DIAPH3: variants seen among roughly 807,000 people sequenced by gnomAD.
DIAPH3 encodes protein diaphanous homolog 3.
A neutral mutation model predicts 144.3 loss-of-function variants in DIAPH3; 117 were observed. The ratio of observed to expected loss-of-function variants is 0.81; its 90% confidence interval spans 0.70 to 0.95. DIAPH3 has a LOEUF of 0.95. DIAPH3 is among the 40% of genes least tolerant of loss of function. The probability of loss-of-function intolerance (pLI) is 0.00; values close to 1 mark genes in which losing one functional copy is unlikely to be tolerated. For synonymous variants in DIAPH3, 519 were observed against 488.9 expected (o/e 1.06, Z -0.81); for missense variants, 1,421 against 1,412.7 (o/e 1.01, Z -0.09).
chr13:59,736,145 T>C (rs981720413), intron 27 of DIAPH3, among the ~76,000 whole-genome samples: 7 of 152,210 alleles, frequency 4.6e-5, no homozygotes, highest in Non-Finnish European at 8.8e-5. Context: ...GGCTATATAG[T>C]ATTTCATGGT....
chr13:59,758,881 G>A (rs2037422885), intron 27 of DIAPH3, among the ~76,000 whole-genome samples: 1 of 151,066 alleles, frequency 6.6e-6, no homozygotes, highest in African/African-American at 2.4e-5. Flanking sequence ...TTGGGCTTGA[G>A]TGATCTTCCT....
intron 19 of DIAPH3, among the ~76,000 whole-genome samples, chr13:59,914,612 T>C (rs1221018171): frequency 6.6e-6 from 1 of 152,086 alleles, no homozygotes; most frequent in African/African-American, 2.4e-5. Context: ...AAAGTTCTTA[T>C]AAGTGGAAGA....
intron 3 of DIAPH3, among the ~76,000 whole-genome samples, chr13:60,111,540 A>C (rs1280918663): frequency 6.6e-6 from 1 of 152,222 alleles, no homozygotes; most frequent in Non-Finnish European, 1.5e-5. Context: ...TCAGATCAGC[A>C]GTGGCATTAC....
chr13:60,045,415 T>G (rs2056005028), intron 4 of DIAPH3, among the ~76,000 whole-genome samples: 1 of 152,158 alleles, frequency 6.6e-6, no homozygotes, highest in Non-Finnish European at 1.5e-5. Context: ...GAGAAAAAAC[T>G]AATACAATAC....
At chr13:59,997,448 T>C (rs1442860219) in intron 9 of DIAPH3, among the ~76,000 whole-genome samples, 2 of 152,134 alleles carry the variant, frequency 1.3e-5, no homozygotes, top group Admixed American at 1.3e-4. Context: ...ATTCATCCAC[T>C]GATAAACACT....
chr13:60,070,044 C>T (rs1232378933), intron 4 of DIAPH3, among the ~76,000 whole-genome samples: 1 of 152,080 alleles, frequency 6.6e-6, no homozygotes. Flanking sequence ...ATAGGAATAG[C>T]ACTGAATCTT....
At chr13:59,690,079 A>C (rs186970880) in intron 27 of DIAPH3, among the ~76,000 whole-genome samples, 6 of 152,182 alleles carry the variant, frequency 3.9e-5, no homozygotes, top group African/African-American at 1.4e-4. Flanking sequence ...GGATAACATG[A>C]TGGTTACCTA....
chr13:59,913,511 C>T (rs2047091285), intron 19 of DIAPH3, among the ~76,000 whole-genome samples: 2 of 152,124 alleles, frequency 1.3e-5, no homozygotes, highest in Non-Finnish European at 2.9e-5. Context: ...CCCTTGCCTC[C>T]ACACATACAC....
At chr13:60,061,934 T>C (rs2141297824) in intron 4 of DIAPH3, among the ~76,000 whole-genome samples, 2 of 152,230 alleles carry the variant, frequency 1.3e-5, no homozygotes, top group South Asian at 4.2e-4. Context: ...ACATCTTTAC[T>C]GCCTACAGCC....
intron 21 of DIAPH3, among the ~76,000 whole-genome samples, chr13:59,871,152 T>C (rs1204197738): frequency 6.9e-6 from 1 of 145,404 alleles, no homozygotes; most frequent in Non-Finnish European, 1.5e-5. Flanking sequence ...TTTGATATAA[T>C]TGCTTAACAG....
At chr13:60,062,114 C>T (rs1469258261) in intron 4 of DIAPH3, among the ~76,000 whole-genome samples, 2 of 152,126 alleles carry the variant, frequency 1.3e-5, no homozygotes, top group African/African-American at 4.8e-5. Flanking sequence ...CATATTTAGA[C>T]ATTTTATGAC....
intron 4 of DIAPH3, among the ~76,000 whole-genome samples, chr13:60,084,011 T>TAGAC (rs1326288957): frequency 5.3e-5 from 4 of 76,050 alleles, no homozygotes; most frequent in Non-Finnish European, 8.4e-5. Context: ...GATAGACAGA[T>TAGAC]AGATAGATAG....
intron 20 of DIAPH3, among the ~76,000 whole-genome samples, chr13:59,895,266 C>T (rs1221473693): frequency 2.6e-5 from 4 of 151,798 alleles, no homozygotes; most frequent in Admixed American, 1.3e-4. Context: ...GCTAGTGTTT[C>T]ACTAAACGGG....
At chr13:59,680,302 A>C (rs1331378558) in intron 27 of DIAPH3, among the ~76,000 whole-genome samples, 2 of 152,012 alleles carry the variant, frequency 1.3e-5, no homozygotes, top group African/African-American at 4.8e-5. Flanking sequence ...GTTGTTGAAT[A>C]TCAGTGTTGA....
At chr13:60,003,577 A>G (rs1272316733) in intron 9 of DIAPH3, among the ~76,000 whole-genome samples, 4 of 150,700 alleles carry the variant, frequency 2.7e-5, no homozygotes, top group African/African-American at 9.7e-5. Flanking sequence ...ATATAGATAT[A>G]TATATATTTT....
intron 23 of DIAPH3, chr13:59,839,016 CAGG>C: frequency 3.5e-6 from 1 of 286,610 alleles, no homozygotes; most frequent in Non-Finnish European, 6.9e-6. Flanking sequence ...GAGACTGAGG[CAGG>C]AGAATTGCTT....
At chr13:59,859,061 T>C (rs1225685893) in intron 22 of DIAPH3, among the ~76,000 whole-genome samples, 3 of 152,154 alleles carry the variant, frequency 2.0e-5, no homozygotes, top group African/African-American at 7.2e-5. Flanking sequence ...TATAAGAGCA[T>C]TAAAATACTC....
rs76380828 is a variant in DIAPH3 at position 59,813,017 on chromosome 13, C to T, written c.3028-2094G>A. On this transcript the variant is annotated intron_variant, in intron 24 of 27. Coordinates refer to ENST00000400324, the MANE Select transcript of DIAPH3 (RefSeq NM_001042517.2). ...CTGGAGCAAAGGCTGGACAGTCTTA[C>T]TACCTATTATAAAAGACTGCATTCC... 1.2e-3 allele frequency among the ~76,000 whole-genome samples: 179 copies of T among 152,130 alleles called. 2 individuals carry two copies. The highest frequency in any genetic ancestry group is 2.0e-3 in the Non-Finnish European group (135 of 68,004).
chr13:59,918,223 A>AG (rs1341985752), intron 18 of DIAPH3, among the ~76,000 whole-genome samples: 47 of 150,714 alleles, frequency 3.1e-4, no homozygotes, highest in Admixed American at 5.3e-4. Context: ...AAAAAAAAAA[A>AG]AGAGAGAGAG....
Sources: allele counts gnomAD v4.1 joint callset (sites outside exome capture counted in the v4.1 genomes callset), GRCh38; gene constraint gnomAD v4.1.1; transcripts MANE v1.5; gene names NCBI Gene and HGNC (gene_info 2026-07-23, HGNC 2026-07-21).